DYNLL1: variants seen among roughly 807,000 people sequenced by gnomAD.
DYNLL1 encodes the protein dynein light chain LC8-type 1, also known as dynein light chain 1, cytoplasmic.
In DYNLL1, 3 loss-of-function variants were observed where a neutral mutation model predicts 10.1. That is an observed-to-expected ratio of 0.30 (90% CI 0.14 to 0.77). DYNLL1 has a LOEUF of 0.77. Ranked by LOEUF, DYNLL1 falls within the 30% of genes least tolerant of loss-of-function variation. DYNLL1 has a pLI of 0.66. For missense variants in DYNLL1, 47 were observed against 111.7 expected (o/e 0.42, Z 2.61); for synonymous variants, 46 against 41.2 (o/e 1.12, Z -0.45).
At chr12:120,472,989 C>T (rs1565919414) in intron 1 of DYNLL1, among the ~76,000 whole-genome samples, 1 of 152,156 alleles carries the variant, frequency 6.6e-6, no homozygotes, top group Non-Finnish European at 1.5e-5. Context: ...ACCTTTTAAA[C>T]TTTTTGTTCA....
chr12:120,497,676 C>T, intron 2 of DYNLL1: 1 of 159,072 alleles, frequency 6.3e-6, no homozygotes, highest in East Asian at 1.8e-4. Flanking sequence ...AATTTTTTGC[C>T]GTTTTCTTGG....
At chr12:120,492,138 T>C (rs1879148597), upstream of DYNLL1, 2 of 152,202 alleles carry the variant, frequency 1.3e-5, no homozygotes, top group African/African-American at 4.8e-5. This position sits in a 1 kb window ranked among gnomAD's most constrained non-coding sequence, Gnocchi z 4.1. Context: ...GAACAGTTCT[T>C]ACCTTGTAGA....
upstream of DYNLL1, among the ~76,000 whole-genome samples, chr12:120,494,297 T>G (rs549611490): frequency 6.6e-6 from 1 of 151,728 alleles, no homozygotes; most frequent in Non-Finnish European, 1.5e-5. Flanking sequence ...TTCCTTTTTT[T>G]TTTTTTTGAG....
chr12:120,482,714 C>T (rs905408946), intron 1 of DYNLL1, among the ~76,000 whole-genome samples: 4 of 152,020 alleles, frequency 2.6e-5, no homozygotes, highest in Non-Finnish European at 5.9e-5. Context: ...CTCACATACT[C>T]ACATTACCCA....
At chr12:120,470,807 G>A (rs1030380944) in intron 1 of DYNLL1, among the ~76,000 whole-genome samples, 2 of 152,050 alleles carry the variant, frequency 1.3e-5, no homozygotes, top group African/African-American at 4.8e-5. Flanking sequence ...CACTTTGAGA[G>A]GCCAAGGCGG....
At chr12:120,474,076 A>G (rs552016050) in intron 1 of DYNLL1, among the ~76,000 whole-genome samples, 18 of 152,064 alleles carry the variant, frequency 1.2e-4, no homozygotes, top group African/African-American at 4.3e-4. Context: ...CAAGCAGGGA[A>G]GAAGAGAGAA....
intron 1 of DYNLL1, among the ~76,000 whole-genome samples, chr12:120,476,768 C>T (rs1878762327): frequency 6.6e-6 from 1 of 151,984 alleles, no homozygotes; most frequent in African/African-American, 2.4e-5. Context: ...TGCACCACCA[C>T]ACCTGGCTAA....
Position 120,496,145 on chromosome 12 carries a change from T to C in DYNLL1, c.-78T>C. The C allele has an allele frequency of 1.8e-6, 1 of 543,288 alleles. No individual in the cohort carries two copies. The allele number at this position is 543,288 out of a possible 1,614,324, so 33.7% of individuals were successfully genotyped here. A position where few individuals can be genotyped will look rare whatever the true frequency, so the allele number is the denominator to read the frequency against. On this transcript the variant is annotated 5_prime_UTR_variant, in exon 1 of 3. Transcript: ENST00000242577. ...CCACGGTTTCGGTAGCGACGGTATC[T>C]CTAGCCGGGCCTGAGCTGTGCTAGC...
chr12:120,495,685 G>A (rs1879248292), upstream of DYNLL1: 1 of 139,708 alleles, frequency 7.2e-6, no homozygotes. Flanking sequence ...CATGCGACCT[G>A]TCGTGGTGGG....
At position 120,496,249 on chromosome 12, in the gene DYNLL1, G is replaced by T. The variant is rs192438612; in HGVS notation, c.-7+33G>T. 467 of 993,344 alleles carry T rather than the reference G, an allele frequency of 4.7e-4. No homozygotes were observed. In the African/African-American group the frequency reaches 5.9e-3, roughly 13 times the overall value. 61.5% of individuals were successfully genotyped at this position (993,344 alleles called of 1,614,324 possible). A position where few individuals can be genotyped will look rare whatever the true frequency, so the allele number is the denominator to read the frequency against. ...ACTCGGGGGGCCAGGGGGTGTCCTCGCTGCCTTATTTCGCCCCACTCCGGA... is the reference window on the plus strand; with the variant it reads ...ACTCGGGGGGCCAGGGGGTGTCCTCTCTGCCTTATTTCGCCCCACTCCGGA... On this transcript the variant is annotated intron_variant, in intron 1 of 2. Coordinates refer to ENST00000242577, the MANE Select transcript of DYNLL1 (RefSeq NM_003746.3).
intron 1 of DYNLL1, chr12:120,488,553 T>C (rs972847770): frequency 1.3e-5 from 2 of 152,210 alleles, no homozygotes; most frequent in Non-Finnish European, 2.9e-5. Context: ...TCTGACTCGC[T>C]TCCTTTCATG....
intron 1 of DYNLL1, chr12:120,490,996 T>G (rs1212622029): frequency 2.6e-5 from 4 of 152,770 alleles, no homozygotes; most frequent in Admixed American, 2.0e-4. Context: ...ATCCCCATTT[T>G]ACAGATGAGG....
chr12:120,477,314 TG>T (rs2137058337), intron 1 of DYNLL1, among the ~76,000 whole-genome samples: 1 of 152,282 alleles, frequency 6.6e-6, no homozygotes, highest in African/African-American at 2.4e-5. Context: ...GGGACTTTGG[TG>T]GTGGCTTCAC....
At chr12:120,485,625 A>G (rs963240552) in intron 1 of DYNLL1, among the ~76,000 whole-genome samples, 9 of 151,890 alleles carry the variant, frequency 5.9e-5, no homozygotes, top group African/African-American at 1.9e-4. Flanking sequence ...GGATTGCTTG[A>G]GCCCAGGAGT....
chr12:120,497,980 T>G, intron 2 of DYNLL1, 93 bp from the exon 3 acceptor site: 1 of 1,301,982 alleles, frequency 7.7e-7, no homozygotes, highest in East Asian at 2.5e-5. Context: ...CTGACGTTCC[T>G]CCTTTCTGCC....
Position 120,498,222 on chromosome 12 carries a change from G to A in DYNLL1, c.*12G>A. 3.1e-6 allele frequency: 5 copies of A among 1,607,818 alleles called. No homozygotes were observed. Among genetic ancestry groups the A allele is most frequent in the African/African-American group, 1.3e-5 (1 of 74,902 alleles). The stretch of plus-strand genomic sequence containing the variant: ...TCAAATCTGGTTAAAAGCATGGACT[G>A]TGCCACACACCCAGTGATCCATCCA... On this transcript the variant is annotated 3_prime_UTR_variant, in exon 3 of 3. Transcript: ENST00000242577.
chr12:120,489,259 C>T (rs947131712), intron 1 of DYNLL1, among the ~76,000 whole-genome samples: 1 of 152,328 alleles, frequency 6.6e-6, no homozygotes, highest in Admixed American at 6.5e-5. Context: ...TCCCAGAACT[C>T]ATATATCCAA....
At chr12:120,483,150 C>T (rs373447701) in intron 1 of DYNLL1, among the ~76,000 whole-genome samples, 2 of 151,836 alleles carry the variant, frequency 1.3e-5, no homozygotes, top group Non-Finnish European at 2.9e-5. Context: ...CCAGCCTGAC[C>T]AATGTGGTGA....
intron 1 of DYNLL1, among the ~76,000 whole-genome samples, chr12:120,470,370 A>G (rs1878618875): frequency 6.6e-6 from 1 of 152,132 alleles, no homozygotes; most frequent in Non-Finnish European, 1.5e-5. Flanking sequence ...TATGGAGCTC[A>G]GGTAGACACC....
Sources: allele counts gnomAD v4.1 joint callset (sites outside exome capture counted in the v4.1 genomes callset), GRCh38; gene constraint gnomAD v4.1.1; non-coding constraint Gnocchi (gnomAD v3.1); transcripts MANE v1.5; gene names NCBI Gene and HGNC (gene_info 2026-07-23, HGNC 2026-07-21).